The following PDCD1LG2 variants were observed in gnomAD, a reference collection of about 807,000 sequenced individuals.
PDCD1LG2 encodes the protein B7 dendritic cell molecule.
PDCD1LG2 carries 32 observed loss-of-function variants against 28.2 expected under a neutral mutation model. The observed-to-expected ratio is 1.13, with a 90% CI of 0.86 to 1.52. The LOEUF is 1.52. PDCD1LG2 is among the 40% of genes most tolerant of loss of function. The pLI, the probability that PDCD1LG2 is intolerant of heterozygous loss-of-function variation, is 0.00. For missense variants in PDCD1LG2, 385 were observed against 323.8 expected, an observed-to-expected ratio of 1.19 and a Z score of -1.45; for synonymous variants, 116 against 120.2, an observed-to-expected ratio of 0.97 and a Z score of 0.23.
chr9:5,546,898 G>T (rs914460642), intron 3 of PDCD1LG2, among the ~76,000 whole-genome samples: 1 of 152,140 alleles, frequency 6.6e-6, no homozygotes, highest in African/African-American at 2.4e-5. Context: ...CTTCAAGGGA[G>T]AGCCAAAGTG....
At chr9:5,536,629 G>T (rs1820585098) in intron 3 of PDCD1LG2, among the ~76,000 whole-genome samples, 1 of 152,278 alleles carries the variant, frequency 6.6e-6, no homozygotes, top group African/African-American at 2.4e-5. Flanking sequence ...CAGGCCTTCT[G>T]CCCATTCTCT....
intron 1 of PDCD1LG2, among the ~76,000 whole-genome samples, chr9:5,514,900 G>A (rs536046499): frequency 1.3e-5 from 2 of 152,248 alleles, no homozygotes; most frequent in East Asian, 3.9e-4. Flanking sequence ...GAAGCTCAGG[G>A]GAGGATTTAT....
intron 4 of PDCD1LG2, among the ~76,000 whole-genome samples, chr9:5,555,670 C>A (rs550179846): frequency 8.5e-5 from 13 of 152,304 alleles, no homozygotes; most frequent in Admixed American, 7.8e-4. Flanking sequence ...CTCTGCCATT[C>A]TCCAGGATGT....
chr9:5,518,102 T>G (rs1240805973), intron 1 of PDCD1LG2, among the ~76,000 whole-genome samples: 1 of 152,188 alleles, frequency 6.6e-6, no homozygotes, highest in Non-Finnish European at 1.5e-5. Context: ...TTAAGGTGGG[T>G]GTTGCTACTA....
chr9:5,516,887 C>T (rs1820176337), intron 1 of PDCD1LG2, among the ~76,000 whole-genome samples: 1 of 152,156 alleles, frequency 6.6e-6, no homozygotes, highest in South Asian at 2.1e-4. Flanking sequence ...TTCCTGGGCC[C>T]CTGAGAGTAC....
intron 2 of PDCD1LG2, among the ~76,000 whole-genome samples, chr9:5,525,145 C>T (rs996394098): frequency 1.1e-4 from 16 of 152,022 alleles, no homozygotes; most frequent in African/African-American, 2.7e-4. Flanking sequence ...GTCAGGAGTT[C>T]GAGACCAGCC....
At chr9:5,546,394 A>G (rs1436437340) in intron 3 of PDCD1LG2, among the ~76,000 whole-genome samples, 1 of 152,242 alleles carries the variant, frequency 6.6e-6, no homozygotes, top group Non-Finnish European at 1.5e-5. Flanking sequence ...AATGATTACA[A>G]AAGACATTGA....
At chr9:5,539,871 A>G (rs1265869071) in intron 3 of PDCD1LG2, among the ~76,000 whole-genome samples, 1 of 152,206 alleles carries the variant, frequency 6.6e-6, no homozygotes, top group East Asian at 1.9e-4. Flanking sequence ...ATGAATTTAA[A>G]CTATGCCCTA....
intron 2 of PDCD1LG2, among the ~76,000 whole-genome samples, chr9:5,528,211 T>C (rs1820415062): frequency 1.3e-5 from 2 of 148,242 alleles, no homozygotes; most frequent in Admixed American, 1.4e-4. Flanking sequence ...TAAGTATACA[T>C]ATATTTATAT....
chr9:5,542,605 C>G (rs1820707425), intron 3 of PDCD1LG2, among the ~76,000 whole-genome samples: 1 of 152,112 alleles, frequency 6.6e-6, no homozygotes. Flanking sequence ...ATCACTAATT[C>G]TCAGGGAAAT....
intron 5 of PDCD1LG2, among the ~76,000 whole-genome samples, chr9:5,558,114 G>T (rs1320053790): frequency 1.3e-5 from 2 of 152,116 alleles, no homozygotes; most frequent in Non-Finnish European, 2.9e-5. Context: ...TCCTTTCTGA[G>T]GATTCCTTCC....
At chr9:5,546,810 T>G (rs1396822238) in intron 3 of PDCD1LG2, among the ~76,000 whole-genome samples, 2 of 152,150 alleles carry the variant, frequency 1.3e-5, no homozygotes, top group Non-Finnish European at 2.9e-5. Flanking sequence ...TATTTATACA[T>G]TAGGGGGAAA....
At chr9:5,551,516 T>C (rs572386671) in intron 4 of PDCD1LG2, among the ~76,000 whole-genome samples, 1 of 152,220 alleles carries the variant, frequency 6.6e-6, no homozygotes, top group Admixed American at 6.5e-5. Flanking sequence ...AGATGTCTAC[T>C]CAGACAAAGA....
In PDCD1LG2 at chr9:5,530,516, G is replaced by A. The variant is rs1820462134; in HGVS notation, c.56-4229G>A. Reference sequence around the variant, plus strand: ...TCACTCATGGATGTAGTGTACACATGCCAGTGGATATATAGTCATAACTGC... The same window carrying A: ...TCACTCATGGATGTAGTGTACACATACCAGTGGATATATAGTCATAACTGC... On this transcript the variant is annotated intron_variant, in intron 2 of 6. Transcript: ENST00000397747. Among the ~76,000 whole-genome samples, 3 of 151,216 alleles carry A rather than the reference G, an allele frequency of 2.0e-5. No homozygotes were observed. The South Asian group carries it at 6.2e-4, about 31-fold the overall frequency.
intron 5 of PDCD1LG2, among the ~76,000 whole-genome samples, chr9:5,558,087 G>A (rs901773458): frequency 6.6e-5 from 10 of 152,204 alleles, no homozygotes; most frequent in African/African-American, 2.4e-4. Context: ...GATTTTGCTG[G>A]TGGGAGGTTG....
intron 4 of PDCD1LG2, among the ~76,000 whole-genome samples, chr9:5,550,700 T>TC (rs568789655): frequency 1.5e-3 from 119 of 79,070 alleles, no homozygotes; most frequent in Admixed American, 4.5e-3. Flanking sequence ...TCTCTCTCTC[T>TC]TTTTTTTTTT....
At position 5,555,821 on chromosome 9, in the gene PDCD1LG2, A is replaced by G. The variant is rs981691810; in HGVS notation, c.632-1797A>G. Among the ~76,000 whole-genome samples, 11 of 152,252 alleles carry G rather than the reference A, an allele frequency of 7.2e-5. 1 individual carries two copies. Among genetic ancestry groups the G allele is most frequent in the Admixed American group, 6.5e-4 (10 of 15,286 alleles). On this transcript the variant is annotated intron_variant, in intron 4 of 6. Coordinates refer to ENST00000397747, the MANE Select transcript of PDCD1LG2 (RefSeq NM_025239.4). ...CACTCTCTTAGCCTGAACTTAGATT[A>G]CATGGCTGGGCCCACTTAACTATAG... is the stretch of plus-strand genomic sequence containing the variant.
Position 5,557,651 on chromosome 9 carries a change from T to A in PDCD1LG2, c.665T>A (p.Leu222Gln), listed in dbSNP as rs371424520. The A allele has an allele frequency of 1.9e-6, 3 of 1,613,920 alleles. No individual in the cohort carries two copies. Among genetic ancestry groups the A allele is most frequent in the Non-Finnish European group, 2.5e-6 (3 of 1,179,886 alleles). ...QMEPRTHPTW[L>Q]LHIFIPFCII... ...GAACCCAGGACCCATCCAACTTGGC[T>A]GCTTCACATTTTCATCCCCTTCTGC... Residue 222 changes from leucine (L) to glutamine (Q), a missense_variant, in exon 5 of 7, where the codon CTG becomes CAG. Physicochemically the swap from Leu to Gln is moderately radical, Grantham distance 113 (BLOSUM62 -2). Transcript: ENST00000397747.
At chr9:5,559,848 C>T (rs2129932317) in intron 5 of PDCD1LG2, among the ~76,000 whole-genome samples, 1 of 152,342 alleles carries the variant, frequency 6.6e-6, no homozygotes, top group Middle Eastern at 3.4e-3. Context: ...ATGTCTCCAG[C>T]TTTAACTGCA....
Sources: allele counts gnomAD v4.1 joint callset (sites outside exome capture counted in the v4.1 genomes callset), GRCh38; gene constraint gnomAD v4.1.1; transcripts MANE v1.5; gene names NCBI Gene and HGNC (gene_info 2026-07-23, HGNC 2026-07-21).